The following NVL variants were observed in gnomAD, a reference collection of about 807,000 sequenced individuals.
The protein encoded by NVL is nuclear VCP like.
A neutral mutation model predicts 110.2 loss-of-function variants in NVL; 84 were observed. The observed-to-expected ratio is 0.76, with a 90% CI of 0.64 to 0.91. The LOEUF (loss-of-function observed/expected upper bound fraction) is 0.91, where lower values mean the gene tolerates loss of function less well. NVL is among the 40% of genes least tolerant of loss of function. The pLI is 0.00. For missense variants in NVL, 882 were observed against 1,035.9 expected, an observed-to-expected ratio of 0.85 and a Z score of 2.04; for synonymous variants, 354 against 361.1, an observed-to-expected ratio of 0.98 and a Z score of 0.22.
chr1:224,241,422 T>G (rs1490930828), intron 19 of NVL, among the ~76,000 whole-genome samples: 1 of 152,154 alleles, frequency 6.6e-6, no homozygotes, highest in Admixed American at 6.6e-5. Flanking sequence ...TTAATTTGGT[T>G]TTTCTTTATG....
rs766441601 is a variant in NVL at position 224,257,089 on chromosome 1, G to A, written c.2183-6771C>T. On this transcript the variant is annotated intron_variant, in intron 18 of 22. Coordinates refer to ENST00000281701, the MANE Select transcript of NVL (RefSeq NM_002533.4). The stretch of plus-strand genomic sequence containing the variant: ...AGCTTTTCCCAACTTTGGGAAATCT[G>A]GGAAGAGAAAGCCTAAGAGACAGAA... The A allele has an allele frequency of 2.3e-5, 12 of 531,762 alleles. No individual in the cohort carries two copies. In the East Asian group the frequency reaches 6.0e-4, roughly 27 times the overall value. The allele number at this position is 531,762 out of a possible 1,614,324, so 32.9% of individuals were successfully genotyped here. A position where few individuals can be genotyped will look rare whatever the true frequency, so the allele number is the denominator to read the frequency against.
At chr1:224,276,967 TA>T (rs1444647235) in intron 16 of NVL, among the ~76,000 whole-genome samples, 15 of 95,974 alleles carry the variant, frequency 1.6e-4, no homozygotes, top group Admixed American at 2.3e-4. Context: ...CACATAAAAC[TA>T]GTTTTATGAC....
chr1:224,256,014 T>C (rs1241463612), intron 18 of NVL, among the ~76,000 whole-genome samples: 1 of 152,248 alleles, frequency 6.6e-6, no homozygotes, highest in East Asian at 1.9e-4. Flanking sequence ...GCTTTTTAAA[T>C]ACATCAACTA....
intron 4 of NVL, 108 bp from the exon 5 acceptor site, chr1:224,311,965 A>C (rs966038531): frequency 2.0e-5 from 16 of 812,360 alleles, no homozygotes; most frequent in Non-Finnish European, 2.8e-5. Context: ...ATGGTGGTTA[A>C]GAGTCCAAAC....
intron 18 of NVL, among the ~76,000 whole-genome samples, chr1:224,255,685 C>T (rs1474032320): frequency 6.6e-6 from 1 of 152,224 alleles, no homozygotes; most frequent in South Asian, 2.1e-4. Flanking sequence ...GCTGGGTTTA[C>T]AGGCGTGTAC....
chr1:224,280,928 C>T (rs574503036), intron 16 of NVL, among the ~76,000 whole-genome samples, 195 bp downstream of exon 16: 33 of 152,254 alleles, frequency 2.2e-4, no homozygotes, highest in African/African-American at 7.7e-4. Flanking sequence ...CAGAGGTTAA[C>T]AGACTTAATT....
At chr1:224,300,861 T>C (rs181761888) in intron 9 of NVL, among the ~76,000 whole-genome samples, 198 bp from the exon 10 acceptor site, 53 of 152,160 alleles carry the variant, frequency 3.5e-4, no homozygotes, top group African/African-American at 1.2e-3. Context: ...TCCCACTACT[T>C]TGGGAGGCTG....
At chr1:224,256,617 A>C (rs1388047775) in intron 18 of NVL, among the ~76,000 whole-genome samples, 2 of 152,126 alleles carry the variant, frequency 1.3e-5, no homozygotes, top group East Asian at 3.8e-4. Flanking sequence ...TATTTTAATA[A>C]GTTATTTACA....
intron 16 of NVL, among the ~76,000 whole-genome samples, chr1:224,276,173 G>GT (rs1665740280): frequency 6.6e-6 from 1 of 152,288 alleles, no homozygotes; most frequent in Admixed American, 6.5e-5. Flanking sequence ...AGAAAGAGCA[G>GT]TTTTTTTCTT....
At chr1:224,276,305 G>A (rs938275711) in intron 16 of NVL, among the ~76,000 whole-genome samples, 7 of 151,858 alleles carry the variant, frequency 4.6e-5, no homozygotes, top group African/African-American at 1.5e-4. Flanking sequence ...GAGCCATCTC[G>A]GCTCACTGCA....
chr1:224,238,343 T>C (rs574571209), intron 19 of NVL, among the ~76,000 whole-genome samples: 1 of 152,256 alleles, frequency 6.6e-6, no homozygotes, highest in East Asian at 1.9e-4. Flanking sequence ...AGTAAGCTTT[T>C]CTTAGTGTAA....
Position 224,304,645 on chromosome 1 carries a change from C to T in NVL, c.825+91G>A. The T allele has an allele frequency of 4.4e-6, 5 of 1,126,276 alleles. No homozygotes were observed. In the Admixed American group the frequency reaches 7.5e-5, roughly 17 times the overall value. 69.8% of individuals were successfully genotyped at this position (1,126,276 alleles called of 1,614,324 possible). A position where few individuals can be genotyped will look rare whatever the true frequency, so the allele number is the denominator to read the frequency against. On this transcript the variant is annotated intron_variant, in intron 8 of 22. Coordinates refer to ENST00000281701, the MANE Select transcript of NVL (RefSeq NM_002533.4). Reference sequence around the variant, plus strand: ...CCTTCCCAGTTTCCTTTTCTACACCCAGATCATATTAGAAACAAAGAGGTA... The same window carrying T: ...CCTTCCCAGTTTCCTTTTCTACACCTAGATCATATTAGAAACAAAGAGGTA...
At chr1:224,235,568 A>G (rs1571765861) in intron 20 of NVL, among the ~76,000 whole-genome samples, 2 of 151,656 alleles carry the variant, frequency 1.3e-5, no homozygotes, top group Non-Finnish European at 2.9e-5. Flanking sequence ...GCCCCTCACC[A>G]CCCCTGCCTG....
chr1:224,324,481 T>G (rs1310272434), intron 2 of NVL, among the ~76,000 whole-genome samples: 1 of 152,198 alleles, frequency 6.6e-6, no homozygotes, highest in East Asian at 1.9e-4. Context: ...CCAGCTGGAG[T>G]GCACTGGTGC....
At chr1:224,261,525 G>A (rs910309018) in intron 18 of NVL, among the ~76,000 whole-genome samples, 1 of 152,196 alleles carries the variant, frequency 6.6e-6, no homozygotes, top group African/African-American at 2.4e-5. Flanking sequence ...GTTGGTATGT[G>A]AAAAAGAGAA....
At chr1:224,250,567 A>T (rs966127253) in intron 18 of NVL, among the ~76,000 whole-genome samples, 4 of 151,916 alleles carry the variant, frequency 2.6e-5, no homozygotes, top group Non-Finnish European at 2.9e-5. Flanking sequence ...TAATTAATTA[A>T]TTTTTATTTC....
chr1:224,281,303 G>GTA (rs71922544), intron 15 of NVL, 118 bp from the exon 16 acceptor site: 2 of 792,866 alleles, frequency 2.5e-6, no homozygotes, highest in East Asian at 2.6e-5. Flanking sequence ...GTGTGTGTGT[G>GTA]TGTGTGTGTG....
Position 224,322,572 on chromosome 1 carries a change from A to G in NVL, c.131+3819T>C, listed in dbSNP as rs191227077. Among the ~76,000 whole-genome samples the G allele has an allele frequency of 4.7e-3, 722 of 152,320 alleles. 10 individuals carry two copies. Among genetic ancestry groups the G allele is most frequent in the African/African-American group, 0.016 (679 of 41,572 alleles). On this transcript the variant is annotated intron_variant, in intron 2 of 22. Transcript: ENST00000281701. Reference sequence around the variant, plus strand: ...GTGACAAATACCTTAAAATGTAGAAATGGTTTCAGAACTAGGTAGTAGAGG... The same window carrying G: ...GTGACAAATACCTTAAAATGTAGAAGTGGTTTCAGAACTAGGTAGTAGAGG...
chr1:224,322,970 C>T lies in NVL; in HGVS notation c.131+3421G>A, dbSNP rs150088091. 3.4e-3 allele frequency among the ~76,000 whole-genome samples: 511 copies of T among 151,240 alleles called. 3 individuals carry two copies. Among genetic ancestry groups the T allele is most frequent in the African/African-American group, 0.011 (468 of 41,234 alleles). On this transcript the variant is annotated intron_variant, in intron 2 of 22. Coordinates refer to ENST00000281701, the MANE Select transcript of NVL (RefSeq NM_002533.4). ...CTCCATCTCCAAAAAAAAAAAGACA[C>T]GGAAGGCAATTCTGGTAAGAGCTCA... is the stretch of plus-strand genomic sequence containing the variant.
Sources: gnomAD v4.1 joint callset for allele counts (sites outside exome capture counted in the v4.1 genomes callset) on GRCh38, gnomAD v4.1.1 for gene constraint, MANE v1.5 for transcripts, NCBI Gene and HGNC (gene_info 2026-07-23, HGNC 2026-07-21) for gene names.